The following ADGRB1 variants were observed in gnomAD, a reference collection of about 807,000 sequenced individuals.
ADGRB1 encodes brain-specific angiogenesis inhibitor 1.
ADGRB1 carries 36 observed loss-of-function variants against 175.7 expected under a neutral mutation model. The ratio of observed to expected loss-of-function variants is 0.20; its 90% CI spans 0.16 to 0.27. The LOEUF (loss-of-function observed/expected upper bound fraction) is 0.27. Among genes scored for constraint, ADGRB1 ranks in the 10% least tolerant of loss-of-function variants. The probability of loss-of-function intolerance (pLI) is 1.00; values close to 1 mark genes in which losing one functional copy is unlikely to be tolerated. For synonymous variants in ADGRB1, 1,054 were observed against 979.4 expected (o/e 1.08, Z -1.42); for missense variants, 1,731 against 2,255.3 (o/e 0.77, Z 4.71).
chr8:142,477,482 G>A lies in ADGRB1; in HGVS notation c.1320G>A (p.Gln440=). 1 of 1,613,104 alleles carries A rather than the reference G, an allele frequency of 6.2e-7. No individual in the cohort carries two copies. Among genetic ancestry groups the A allele is most frequent in the Non-Finnish European group, 8.5e-7 (1 of 1,179,828 alleles). ...GCACGCGCACCTGCAGGCCCCCCCAGTTTGGGGGCAACCCCTGTGAGGGCC... is the reference window on the plus strand; with the variant it reads ...GCACGCGCACCTGCAGGCCCCCCCAATTTGGGGGCAACCCCTGTGAGGGCC... ...RDRTRTCRPP[Q]FGGNPCEGPE... The change falls in exon 6 of 31, where the codon CAG becomes CAA. Residue 440 remains glutamine, a synonymous_variant. Transcript: ENST00000517894.
chr8:142,537,239 G>A lies in ADGRB1; in HGVS notation c.3666+157G>A, dbSNP rs73714314. ...TGTGCAGTTGGGGAAACTGAGGCTC[G>A]CCAAGTGGAACCCCTGGTCCGGGGT... On this transcript the variant is annotated intron_variant, in intron 26 of 30. Transcript: ENST00000517894. This position sits in a 1 kb window ranked among gnomAD's most constrained non-coding sequence, Gnocchi z 4.6. Among the ~76,000 whole-genome samples, 5,671 of 152,110 alleles carry A rather than the reference G, an allele frequency of 0.037. 325 individuals are homozygous for A. Among genetic ancestry groups the A allele is most frequent in the African/African-American group, 0.13 (5,321 of 41,444 alleles).
chr8:142,479,231 G>A, intron 7 of ADGRB1, 92 bp from the exon 8 acceptor site: 1 of 1,349,356 alleles, frequency 7.4e-7, no homozygotes, highest in Non-Finnish European at 9.5e-7. Flanking sequence ...ATGGCTCTGT[G>A]TGGGTCCCTG....
chr8:142,530,232 G>A (rs575005921), intron 24 of ADGRB1, among the ~76,000 whole-genome samples: 9 of 148,182 alleles, frequency 6.1e-5, no homozygotes, highest in African/African-American at 1.0e-4. Context: ...GTGTGAATGC[G>A]TGTGTGTGTG....
In ADGRB1 at chr8:142,542,033, G is replaced by A. The variant is rs1402724310; in HGVS notation, c.3799G>A (p.Ala1267Thr). Residue 1267 changes from alanine (A) to threonine (T), a missense_variant, in exon 28 of 31, where the codon GCC becomes ACC. Coordinates refer to ENST00000517894, the MANE Select transcript of ADGRB1 (RefSeq NM_001702.3). The surrounding 1 kb of genome is among the most constrained non-coding windows in gnomAD (Gnocchi z 6.3). Reference sequence around the variant, plus strand: ...GCCCGAGGAGGAGAAGCTGAAGCTGGCCCATGCCAAGGGGCCGCCCACCAA... The same window carrying A: ...GCCCGAGGAGGAGAAGCTGAAGCTGACCCATGCCAAGGGGCCGCCCACCAA... ...SLPEEEKLKL[A>T]HAKGPPTNFN... 2 of 1,609,840 alleles carry A rather than the reference G, an allele frequency of 1.2e-6. No homozygotes were observed. Among genetic ancestry groups the A allele is most frequent in the East Asian group, 2.2e-5 (1 of 44,640 alleles).
chr8:142,462,488 C>G (rs1014255044), intron 1 of ADGRB1, among the ~76,000 whole-genome samples: 3 of 152,260 alleles, frequency 2.0e-5, no homozygotes, highest in Non-Finnish European at 4.4e-5. Context: ...GGCCTCCTGG[C>G]TCCCATGGGC....
intron 18 of ADGRB1, among the ~76,000 whole-genome samples, chr8:142,514,086 G>A (rs1424466388): frequency 6.6e-6 from 1 of 152,024 alleles, no homozygotes; most frequent in Non-Finnish European, 1.5e-5. Flanking sequence ...AGAGAGAGGG[G>A]TGCTGCCTAG....
At chr8:142,476,219 T>C (rs897538998) in intron 3 of ADGRB1, among the ~76,000 whole-genome samples, 13 of 152,154 alleles carry the variant, frequency 8.5e-5, no homozygotes, top group Non-Finnish European at 1.3e-4. Flanking sequence ...TGAACTTTCC[T>C]GGGGAGAAGA....
At chr8:142,463,779 T>C (rs73372298) in intron 1 of ADGRB1, among the ~76,000 whole-genome samples, 5,073 of 152,268 alleles carry the variant, frequency 0.033, 236 homozygotes, top group African/African-American at 0.11. Context: ...CCCCTGCAGG[T>C]GGTCACATTG....
intron 18 of ADGRB1, among the ~76,000 whole-genome samples, chr8:142,517,565 C>T (rs1402876855): frequency 1.3e-5 from 2 of 151,198 alleles, no homozygotes; most frequent in African/African-American, 4.9e-5. Context: ...ACAGAGTCAC[C>T]TGCCGAACAG....
At chr8:142,479,619 G>T in intron 8 of ADGRB1, 74 bp from the exon 9 acceptor site, 1 of 1,527,832 alleles carries the variant, frequency 6.5e-7, no homozygotes, top group Non-Finnish European at 8.8e-7. Flanking sequence ...TGCTCCAGGC[G>T]CCTTGCACCT....
In ADGRB1 at chr8:142,542,401, C is replaced by T. The variant is rs376205068; in HGVS notation, c.4167C>T (p.Pro1389=). The part of the protein sequence containing the change: ...HLSTAPEASL[P]ARSPPSRQPP... ...GCACGGCCCCCGAGGCCAGCCTCCC[C>T]GCCCGCAGCCCGCCCTCCCGCCAGC... is the stretch of plus-strand genomic sequence containing the variant. Residue 1389 remains proline, a synonymous_variant, in exon 28 of 31, where the codon CCC becomes CCT. Coordinates refer to ENST00000517894, the MANE Select transcript of ADGRB1 (RefSeq NM_001702.3). The surrounding 1 kb of genome is among the most constrained non-coding windows in gnomAD (Gnocchi z 6.3). 131 of 1,546,412 alleles carry T rather than the reference C, an allele frequency of 8.5e-5. No individual in the cohort carries two copies. Among genetic ancestry groups the T allele is most frequent in the Non-Finnish European group, 9.5e-5 (109 of 1,146,526 alleles).
intron 17 of ADGRB1, among the ~76,000 whole-genome samples, chr8:142,507,693 C>T (rs956597612): frequency 6.6e-6 from 1 of 152,182 alleles, no homozygotes; most frequent in African/African-American, 2.4e-5. Flanking sequence ...CCCAGCCAGC[C>T]CGGCTCCCTG....
Position 142,493,647 on chromosome 8 carries a change from C to T in ADGRB1, c.2675+2832C>T, listed in dbSNP as rs983520366. 3.3e-5 allele frequency among the ~76,000 whole-genome samples: 5 copies of T among 152,250 alleles called. No homozygotes were observed. The highest frequency in any genetic ancestry group is 1.3e-4 in the Admixed American group (2 of 15,288). On this transcript the variant is annotated intron_variant, in intron 17 of 30. Transcript: ENST00000517894. This position sits in a 1 kb window ranked among gnomAD's most constrained non-coding sequence, Gnocchi z 5.0. The stretch of plus-strand genomic sequence containing the variant: ...TTGACCCTGCCCGGCAGCCAGGCCA[C>T]GCTGCACACCTGCTGCCTGTGAGGA...
chr8:142,543,475 G>T lies in ADGRB1; in HGVS notation c.4449+37G>T. 1.9e-6 allele frequency: 3 copies of T among 1,612,960 alleles called. No individual in the cohort carries two copies. The highest frequency in any genetic ancestry group is 2.2e-5 in the South Asian group (2 of 90,894). ...TGTCCCCCCCCACCAGACACTTAGG[G>T]CCAGATGTGCTCTGGGCTCCCACAC... On this transcript the variant is annotated intron_variant, in intron 29 of 30. Coordinates refer to ENST00000517894, the MANE Select transcript of ADGRB1 (RefSeq NM_001702.3). The surrounding 1 kb of genome is among the most constrained non-coding windows in gnomAD (Gnocchi z 4.4).
chr8:142,454,244 CG>C (rs1025273856), intron 1 of ADGRB1, among the ~76,000 whole-genome samples: 2 of 152,158 alleles, frequency 1.3e-5, no homozygotes, highest in Admixed American at 6.5e-5. Flanking sequence ...TCACAGTGGG[CG>C]GGCGGCAGCC....
intron 18 of ADGRB1, among the ~76,000 whole-genome samples, chr8:142,516,856 C>T (rs1213557221): frequency 1.3e-5 from 2 of 152,112 alleles, no homozygotes; most frequent in Non-Finnish European, 2.9e-5. Context: ...GGAAGTTGCT[C>T]GGGGTGAACT....
At chr8:142,488,564 G>T in intron 14 of ADGRB1, 57 bp downstream of exon 14, 1 of 1,594,234 alleles carries the variant, frequency 6.3e-7, no homozygotes, top group East Asian at 2.2e-5. Context: ...CCCCAGAGTC[G>T]GACGGTCACC....
At chr8:142,452,779 G>T (rs1316419936) in intron 1 of ADGRB1, among the ~76,000 whole-genome samples, 1 of 151,758 alleles carries the variant, frequency 6.6e-6, no homozygotes, top group Non-Finnish European at 1.5e-5. Context: ...CGGTCGGCCC[G>T]ACCCCGCCTC....
intron 7 of ADGRB1, 103 bp downstream of exon 7, chr8:142,478,463 A>G (rs1263660116): frequency 7.8e-7 from 1 of 1,286,416 alleles, no homozygotes; most frequent in African/African-American, 1.5e-5. Flanking sequence ...GGGCCCCGGC[A>G]TGTGACTGAG....
Sources: allele counts gnomAD v4.1 joint callset (sites outside exome capture counted in the v4.1 genomes callset), GRCh38; gene constraint gnomAD v4.1.1; non-coding constraint Gnocchi (gnomAD v3.1); transcripts MANE v1.5; gene names NCBI Gene and HGNC (gene_info 2026-07-23, HGNC 2026-07-21).